Variants in MAP7 observed in about 807,000 individuals in gnomAD.
MAP7 encodes ensconsin.
A neutral mutation model predicts 94.8 loss-of-function variants in MAP7; 52 were observed. The observed-to-expected ratio is 0.55, with a 90% CI of 0.44 to 0.69. MAP7 has a LOEUF of 0.69. Ranked by LOEUF, MAP7 falls within the 30% of genes least tolerant of loss-of-function variation. MAP7 has a pLI of 0.00. For synonymous variants in MAP7, 350 were observed against 357.0 expected (o/e 0.98, Z 0.22); for missense variants, 940 against 964.6 (o/e 0.97, Z 0.34).
chr6:136,470,005 A>C (rs1440806924), intron 1 of MAP7, among the ~76,000 whole-genome samples: 1 of 152,024 alleles, frequency 6.6e-6, no homozygotes, highest in East Asian at 1.9e-4. Context: ...AGTCGTTCTA[A>C]CCCTGCTCTC....
At chr6:136,413,794 T>C (rs951065417) in intron 2 of MAP7, among the ~76,000 whole-genome samples, 4 of 152,068 alleles carry the variant, frequency 2.6e-5, no homozygotes, top group African/African-American at 9.7e-5. Flanking sequence ...GTATTTTTTG[T>C]AGAGACAGGA....
chr6:136,500,131 C>T (rs1025958169), intron 1 of MAP7, among the ~76,000 whole-genome samples: 13 of 152,188 alleles, frequency 8.5e-5, no homozygotes, highest in African/African-American at 3.1e-4. Context: ...TCAATTTAGT[C>T]ATATATAAAG....
intron 1 of MAP7, among the ~76,000 whole-genome samples, chr6:136,450,506 A>G (rs1800771864): frequency 6.6e-6 from 1 of 152,098 alleles, no homozygotes; most frequent in Admixed American, 6.5e-5. Context: ...TTAAATTATC[A>G]TTTCTTTAAA....
intron 1 of MAP7, among the ~76,000 whole-genome samples, chr6:136,525,171 A>C (rs1371937995): frequency 1.3e-5 from 2 of 152,148 alleles, no homozygotes; most frequent in Non-Finnish European, 2.9e-5. Flanking sequence ...TGAAAGAACA[A>C]CACAAGGGTC....
At chr6:136,458,917 A>T (rs1397151920) in intron 1 of MAP7, among the ~76,000 whole-genome samples, 4 of 152,166 alleles carry the variant, frequency 2.6e-5, no homozygotes, top group Admixed American at 2.6e-4. Context: ...GACATAAACT[A>T]TAAGGCTTCT....
intron 16 of MAP7, among the ~76,000 whole-genome samples, chr6:136,348,235 C>G (rs1038535119): frequency 2.0e-5 from 3 of 152,180 alleles, no homozygotes; most frequent in South Asian, 2.1e-4. Flanking sequence ...GCAACCTTAA[C>G]CTGTCACCTT....
intron 1 of MAP7, among the ~76,000 whole-genome samples, chr6:136,423,962 A>AT (rs1162468969): frequency 6.6e-6 from 1 of 151,532 alleles, no homozygotes; most frequent in Non-Finnish European, 1.5e-5. Flanking sequence ...CGCCTGGATA[A>AT]TTTTTTTGTA....
At chr6:136,483,348 G>A (rs13220294) in intron 1 of MAP7, among the ~76,000 whole-genome samples, 2,709 of 151,854 alleles carry the variant, frequency 0.018, 39 homozygotes, top group Non-Finnish European at 0.029. Context: ...ACAGACACCA[G>A]GGCCTTCTTG....
chr6:136,388,212 G>A (rs1412459462), intron 5 of MAP7, among the ~76,000 whole-genome samples, 181 bp downstream of exon 5: 1 of 152,210 alleles, frequency 6.6e-6, no homozygotes, highest in Non-Finnish European at 1.5e-5. Flanking sequence ...TTAAGGGAAA[G>A]AGGCCCTTAC....
intron 1 of MAP7, among the ~76,000 whole-genome samples, chr6:136,544,139 C>T (rs1829544187): frequency 6.6e-6 from 1 of 152,196 alleles, no homozygotes; most frequent in Non-Finnish European, 1.5e-5. Flanking sequence ...CCAGGCTGGT[C>T]TCGAACTCCT....
chr6:136,476,214 T>C (rs80202230), intron 1 of MAP7: 3 of 152,306 alleles, frequency 2.0e-5, no homozygotes, highest in East Asian at 1.9e-4. Context: ...GTGTGCACTA[T>C]GCAAAGGGAT....
chr6:136,388,575 A>G, intron 4 of MAP7, 65 bp from the exon 5 acceptor site: 1 of 1,304,850 alleles, frequency 7.7e-7, no homozygotes, highest in South Asian at 1.2e-5. Context: ...CTTCAATTTA[A>G]GGCAGAATGG....
At chr6:136,370,136 G>A (rs532321951) in intron 8 of MAP7, among the ~76,000 whole-genome samples, 3 of 152,236 alleles carry the variant, frequency 2.0e-5, no homozygotes, top group East Asian at 3.9e-4. Flanking sequence ...TTTTTCTAAC[G>A]ATGACACATG....
At chr6:136,524,069 G>A (rs1351759153) in intron 1 of MAP7, among the ~76,000 whole-genome samples, 1 of 151,764 alleles carries the variant, frequency 6.6e-6, no homozygotes, top group Non-Finnish European at 1.5e-5. Context: ...GTGAAACCCC[G>A]TCTCTACTAA....
At chr6:136,394,542 A>G (rs778730466) in intron 3 of MAP7, among the ~76,000 whole-genome samples, 1 of 152,116 alleles carries the variant, frequency 6.6e-6, no homozygotes, top group Non-Finnish European at 1.5e-5. Context: ...TAGGATACCT[A>G]TCACCTCAGA....
At chr6:136,369,956 T>C (rs1795193237) in intron 8 of MAP7, among the ~76,000 whole-genome samples, 2 of 152,148 alleles carry the variant, frequency 1.3e-5, no homozygotes, top group African/African-American at 2.4e-5. Flanking sequence ...AACACTTCTA[T>C]ATATCAAAGG....
chr6:136,379,275 T>A (rs1331719122), intron 6 of MAP7, among the ~76,000 whole-genome samples: 2 of 152,216 alleles, frequency 1.3e-5, no homozygotes, highest in Non-Finnish European at 2.9e-5. Context: ...AATAAGTACC[T>A]TAACTATGTG....
At chr6:136,374,237 T>A (rs1302829611) in intron 7 of MAP7, among the ~76,000 whole-genome samples, 1 of 152,220 alleles carries the variant, frequency 6.6e-6, no homozygotes, top group Admixed American at 6.5e-5. Flanking sequence ...GGATTTGTAT[T>A]GTGAAGGAAG....
intron 5 of MAP7, among the ~76,000 whole-genome samples, chr6:136,385,172 T>C (rs2206057): frequency 0.84 from 128,075 of 152,188 alleles, 53,979 homozygotes; most frequent in Admixed American, 0.88. Context: ...TTTTGACTAC[T>C]ATTTATAGCA....
Sources: allele counts gnomAD v4.1 joint callset (sites outside exome capture counted in the v4.1 genomes callset), GRCh38; gene constraint gnomAD v4.1.1; transcripts MANE v1.5; gene names NCBI Gene and HGNC (gene_info 2026-07-23, HGNC 2026-07-21).